RSPO2: variants seen among roughly 807,000 people sequenced by gnomAD.
RSPO2 encodes the protein R-spondin-2.
Under a neutral mutation model 30.9 loss-of-function variants are expected in RSPO2, and 14 were observed. The observed-to-expected ratio is 0.45, with a 90% CI of 0.30 to 0.71. RSPO2 has a LOEUF of 0.71. Ranked by LOEUF, RSPO2 falls within the 30% of genes least tolerant of loss-of-function variation. The probability of loss-of-function intolerance (pLI) is 0.08; values close to 1 mark genes in which losing one functional copy is unlikely to be tolerated. For missense variants in RSPO2, 264 were observed against 301.9 expected (o/e 0.87, Z 0.93); for synonymous variants, 107 against 96.4 (o/e 1.11, Z -0.64).
chr8:108,048,161 C>CT (rs1364254884), intron 2 of RSPO2, among the ~76,000 whole-genome samples: 1 of 151,970 alleles, frequency 6.6e-6, no homozygotes, highest in East Asian at 1.9e-4. Flanking sequence ...GGTTGAGCAA[C>CT]TTCCTAAAGA....
intron 5 of RSPO2, among the ~76,000 whole-genome samples, chr8:107,932,444 T>C (rs1224874611): frequency 1.3e-5 from 2 of 152,120 alleles, no homozygotes; most frequent in Admixed American, 1.3e-4. Flanking sequence ...TTTTAGATAT[T>C]TTGAATTTGA....
intron 5 of RSPO2, among the ~76,000 whole-genome samples, chr8:107,902,928 C>CA (rs1204879969): frequency 1.3e-5 from 2 of 152,022 alleles, no homozygotes; most frequent in African/African-American, 4.8e-5. Context: ...GGCAGTTTGC[C>CA]ATCTTGAAAC....
chr8:107,990,305 G>A (rs1182984741), intron 2 of RSPO2, among the ~76,000 whole-genome samples: 1 of 152,106 alleles, frequency 6.6e-6, no homozygotes, highest in Admixed American at 6.5e-5. Flanking sequence ...GAAGGAAAGA[G>A]TAAAGAGAAT....
intron 2 of RSPO2, among the ~76,000 whole-genome samples, chr8:108,070,278 C>CTTTTTTTTTTTTT (rs1050611219): frequency 1.2e-5 from 1 of 81,190 alleles, no homozygotes; most frequent in African/African-American, 4.8e-5. Context: ...GACCCCATCT[C>CTTTTTTTTTTTTT]TTTTTTTTTT....
At chr8:107,915,683 TTGTC>T (rs776328757) in intron 5 of RSPO2, among the ~76,000 whole-genome samples, 4 of 152,116 alleles carry the variant, frequency 2.6e-5, no homozygotes, top group Non-Finnish European at 5.9e-5. Context: ...CCCTCCTTAT[TTGTC>T]TGGTCACATT....
At chr8:108,063,105 C>T (rs955430915) in intron 2 of RSPO2, among the ~76,000 whole-genome samples, 4 of 151,734 alleles carry the variant, frequency 2.6e-5, no homozygotes, top group Admixed American at 6.6e-5. Flanking sequence ...GGAAGCATTC[C>T]CTTTGAAAAC....
intron 2 of RSPO2, among the ~76,000 whole-genome samples, chr8:107,996,553 C>T (rs997645552): frequency 5.3e-5 from 8 of 152,162 alleles, no homozygotes; most frequent in Non-Finnish European, 1.2e-4. Context: ...GGAAGGTTTA[C>T]AAGTACACAG....
chr8:108,043,455 CA>C (rs1221353209), intron 2 of RSPO2, among the ~76,000 whole-genome samples: 5 of 151,972 alleles, frequency 3.3e-5, no homozygotes, highest in Non-Finnish European at 5.9e-5. Context: ...CTAACAGTGT[CA>C]AAGAAGTCAT....
chr8:107,994,978 T>C (rs1379439837), intron 2 of RSPO2, among the ~76,000 whole-genome samples: 2 of 152,098 alleles, frequency 1.3e-5, no homozygotes, highest in Non-Finnish European at 2.9e-5. Context: ...AGAGTCTTCC[T>C]TCTTCCCCAA....
intron 5 of RSPO2, among the ~76,000 whole-genome samples, chr8:107,908,256 C>T (rs554766850): frequency 1.5e-4 from 23 of 152,150 alleles, no homozygotes; most frequent in Admixed American, 1.0e-3. Context: ...GCAATAAGGA[C>T]TACAACAAGG....
intron 5 of RSPO2, among the ~76,000 whole-genome samples, chr8:107,952,857 A>G (rs1191900906): frequency 6.6e-6 from 1 of 152,198 alleles, no homozygotes; most frequent in Non-Finnish European, 1.5e-5. Context: ...GCAGAGATCA[A>G]GGTTCTAAGT....
At chr8:108,077,840 A>G (rs1031852729) in intron 2 of RSPO2, among the ~76,000 whole-genome samples, 2 of 152,300 alleles carry the variant, frequency 1.3e-5, no homozygotes, top group African/African-American at 4.8e-5. Flanking sequence ...ATGTCATCTT[A>G]AATACAGAAA....
At chr8:108,048,895 CA>C (rs1328813777) in intron 2 of RSPO2, among the ~76,000 whole-genome samples, 12 of 152,146 alleles carry the variant, frequency 7.9e-5, no homozygotes, top group African/African-American at 1.2e-4. Flanking sequence ...TTTCAAAGAA[CA>C]TCTTTATTTC....
chr8:107,921,611 A>G (rs1563521424), intron 5 of RSPO2, among the ~76,000 whole-genome samples: 1 of 152,104 alleles, frequency 6.6e-6, no homozygotes. Context: ...AACTAATTCT[A>G]TGGGGCCAGC....
intron 2 of RSPO2, among the ~76,000 whole-genome samples, chr8:108,014,914 A>G (rs1358889784): frequency 6.6e-6 from 1 of 152,140 alleles, no homozygotes; most frequent in Non-Finnish European, 1.5e-5. Flanking sequence ...TTCGGGGGGA[A>G]AAAAGAACAC....
At chr8:108,035,197 A>G (rs1031427346) in intron 2 of RSPO2, among the ~76,000 whole-genome samples, 22 of 152,300 alleles carry the variant, frequency 1.4e-4, no homozygotes, top group African/African-American at 5.3e-4. Flanking sequence ...GAATTGTACT[A>G]TTATCTTTGA....
intron 5 of RSPO2, among the ~76,000 whole-genome samples, chr8:107,909,337 A>G (rs1158074518): frequency 1.4e-5 from 2 of 140,230 alleles, no homozygotes; most frequent in African/African-American, 5.3e-5. Flanking sequence ...ATCTTGGTTC[A>G]CTGCAACCTC....
At chr8:108,017,936 T>G (rs971666997) in intron 2 of RSPO2, among the ~76,000 whole-genome samples, 29 of 152,232 alleles carry the variant, frequency 1.9e-4, no homozygotes, top group African/African-American at 7.0e-4. Context: ...AGTTCCTAGA[T>G]TTGTTTTCCT....
At chr8:108,046,134 A>T (rs1259671033) in intron 2 of RSPO2, among the ~76,000 whole-genome samples, 1 of 152,188 alleles carries the variant, frequency 6.6e-6, no homozygotes, top group Non-Finnish European at 1.5e-5. Context: ...TTGCCCGCAC[A>T]CATTTCCGAG....
Sources: gnomAD v4.1 joint callset for allele counts (sites outside exome capture counted in the v4.1 genomes callset) on GRCh38, gnomAD v4.1.1 for gene constraint, MANE v1.5 for transcripts, NCBI Gene and HGNC (gene_info 2026-07-23, HGNC 2026-07-21) for gene names.